Variants in USP53 observed in about 807,000 individuals in gnomAD.
USP53 encodes ubiquitin specific peptidase 53.
Under a neutral mutation model 94.9 loss-of-function variants are expected in USP53, and 71 were observed. That is an observed-to-expected ratio of 0.75 (90% confidence interval 0.62 to 0.91). The LOEUF (loss-of-function observed/expected upper bound fraction) is 0.91, where lower values mean the gene tolerates loss of function less well. Among genes scored for constraint, USP53 ranks in the 40% least tolerant of loss-of-function variants. The pLI is 0.00. For missense variants in USP53, 1,173 were observed against 1,281.0 expected (o/e 0.92, Z 1.29); for synonymous variants, 375 against 422.7 (o/e 0.89, Z 1.39).
intron 3 of USP53, among the ~76,000 whole-genome samples, chr4:119,222,546 A>C (rs573337612): frequency 6.6e-6 from 1 of 152,300 alleles, no homozygotes; most frequent in African/African-American, 2.4e-5. Flanking sequence ...GAGTGAGTAC[A>C]TGGGATATTT....
rs753665390 is a variant in USP53, at chr4:119,292,520, A to C, written c.2531A>C (p.His844Pro). The change falls in exon 19 of 19, where the codon CAC becomes CCC. Residue 844 changes from histidine (H) to proline (P), a missense_variant. Coordinates refer to ENST00000692078, the MANE Select transcript of USP53 (RefSeq NM_001371395.1). ...ENSERTGLPFHVDNSASGKRV... is the reference protein window; with the variant it reads ...ENSERTGLPFPVDNSASGKRV... ...TCTGAGAGAACAGGTTTGCCTTTTC[A>C]CGTTGATAACTCTGCTTCTGGGAAG... 3.1e-6 allele frequency: 5 copies of C among 1,614,012 alleles called. No homozygotes were observed. The highest frequency in any genetic ancestry group is 4.2e-6 in the Non-Finnish European group (5 of 1,179,924).
intron 3 of USP53, among the ~76,000 whole-genome samples, chr4:119,229,145 A>G (rs1471567909): frequency 6.6e-6 from 1 of 152,216 alleles, no homozygotes; most frequent in African/African-American, 2.4e-5. Flanking sequence ...TGCGTGCAAC[A>G]TAGACTGTAG....
chr4:119,257,812 A>AT (rs1260221119), intron 9 of USP53, among the ~76,000 whole-genome samples: 1 of 152,204 alleles, frequency 6.6e-6, no homozygotes, highest in Non-Finnish European at 1.5e-5. Flanking sequence ...GTCGTCAGTC[A>AT]TTTTTTTAAA....
chr4:119,282,837 A>T (rs1361139226), intron 17 of USP53, among the ~76,000 whole-genome samples: 1 of 152,020 alleles, frequency 6.6e-6, no homozygotes, highest in African/African-American at 2.4e-5. Context: ...TATTTATAAA[A>T]TGAGGGCACA....
chr4:119,252,079 A>T (rs1258726447), intron 7 of USP53, among the ~76,000 whole-genome samples: 1 of 152,218 alleles, frequency 6.6e-6, no homozygotes, highest in Non-Finnish European at 1.5e-5. Flanking sequence ...CAGAGGGATG[A>T]AGCCCACTTG....
chr4:119,222,372 G>A (rs190640754), intron 3 of USP53, among the ~76,000 whole-genome samples: 3 of 152,234 alleles, frequency 2.0e-5, no homozygotes, highest in African/African-American at 7.2e-5. Flanking sequence ...TAGTCACTGT[G>A]TTGTGCTACT....
At position 119,293,234 on chromosome 4, in the gene USP53, G is replaced by A. The variant is rs1399083651; in HGVS notation, c.*23G>A. 2 of 1,545,934 alleles carry A rather than the reference G, an allele frequency of 1.3e-6. No homozygotes were observed. Among genetic ancestry groups the A allele is most frequent in the Admixed American group, 2.0e-5 (1 of 49,516 alleles). ...TAGAGTGAAAAAGGACTAGACCTGT[G>A]TTACATAATAATCTTGGTTCAAGCT... On this transcript the variant is annotated 3_prime_UTR_variant, in exon 19 of 19. Transcript: ENST00000692078.
At chr4:119,259,987 CAGATATTATCAT>C in intron 10 of USP53, 62 bp downstream of exon 10, 1 of 1,199,416 alleles carries the variant, frequency 8.3e-7, no homozygotes, top group East Asian at 2.5e-5. Flanking sequence ...AATAGGCATT[CAGATATTATCAT>C]GTAAATATTG....
At chr4:119,240,151 G>A (rs891753755) in intron 5 of USP53, among the ~76,000 whole-genome samples, 1 of 151,892 alleles carries the variant, frequency 6.6e-6, no homozygotes, top group African/African-American at 2.4e-5. Context: ...GGTTTATTTA[G>A]TAAATTAAGG....
intron 3 of USP53, among the ~76,000 whole-genome samples, chr4:119,223,276 G>T (rs1744794207): frequency 6.6e-6 from 1 of 152,096 alleles, no homozygotes; most frequent in African/African-American, 2.4e-5. Flanking sequence ...GATGGGTGAG[G>T]GGTATATGTC....
At chr4:119,265,670 A>AAACAACAGC (rs1751036961) in intron 12 of USP53, among the ~76,000 whole-genome samples, 2 of 150,412 alleles carry the variant, frequency 1.3e-5, no homozygotes, top group African/African-American at 2.5e-5. Flanking sequence ...CCTTTTCTCA[A>AAACAACAGC]AACAACAACA....
intron 5 of USP53, among the ~76,000 whole-genome samples, chr4:119,240,622 A>G (rs1747396160): frequency 1.3e-5 from 2 of 152,204 alleles, no homozygotes; most frequent in Non-Finnish European, 2.9e-5. Context: ...AAGAATTCAT[A>G]TATAATGATT....
chr4:119,254,307 C>A (rs1410963236), intron 7 of USP53, among the ~76,000 whole-genome samples: 1 of 152,178 alleles, frequency 6.6e-6, no homozygotes, highest in Non-Finnish European at 1.5e-5. Context: ...TAATATCCTG[C>A]AGAGTGTTTT....
At position 119,295,126 on chromosome 4, in the gene USP53, C is replaced by CA. The variant is rs1416816426; in HGVS notation, c.*1916dup. Reference sequence around the variant, plus strand: ...TAATTTTTGTATTTAACAGCAGTCTCAGACATTTGTCTTTTCAACTCAGTT... The same window carrying CA: ...TAATTTTTGTATTTAACAGCAGTCTCAAGACATTTGTCTTTTCAACTCAGTT... On this transcript the variant is annotated 3_prime_UTR_variant, in exon 19 of 19. Coordinates refer to ENST00000692078, the MANE Select transcript of USP53 (RefSeq NM_001371395.1). 5 of 152,030 alleles carry CA rather than the reference C, an allele frequency of 3.3e-5. No homozygotes were observed. The highest frequency in any genetic ancestry group is 2.9e-5 in the Non-Finnish European group (2 of 67,990). The allele number at this position is 152,030 out of a possible 1,614,324, so 9.4% of individuals were successfully genotyped here.
chr4:119,242,279 A>T (rs1747649205), intron 5 of USP53, among the ~76,000 whole-genome samples: 1 of 152,204 alleles, frequency 6.6e-6, no homozygotes, highest in African/African-American at 2.4e-5. Context: ...CCCTAAAAAT[A>T]ATCTAGAAGT....
intron 17 of USP53, among the ~76,000 whole-genome samples, chr4:119,284,781 T>TA (rs1338784571): frequency 2.6e-5 from 4 of 151,808 alleles, no homozygotes; most frequent in East Asian, 1.9e-4. Flanking sequence ...TTTACCACAA[T>TA]AAAAAACCCT....
intron 3 of USP53, among the ~76,000 whole-genome samples, chr4:119,232,883 C>T (rs1202507926): frequency 6.6e-6 from 1 of 152,042 alleles, no homozygotes; most frequent in Non-Finnish European, 1.5e-5. Context: ...TGATCTAACA[C>T]TAGAATTAAC....
At chr4:119,257,858 C>T (rs1159440533) in intron 9 of USP53, among the ~76,000 whole-genome samples, 2 of 152,062 alleles carry the variant, frequency 1.3e-5, no homozygotes, top group Non-Finnish European at 2.9e-5. Context: ...CAAAGATAGA[C>T]AATAAGTTAA....
chr4:119,232,084 T>C (rs551959182), intron 3 of USP53, among the ~76,000 whole-genome samples: 2 of 152,366 alleles, frequency 1.3e-5, no homozygotes, highest in East Asian at 3.9e-4. Context: ...TCAGGAATGC[T>C]ATGTAAAGTC....
Sources: allele counts gnomAD v4.1 joint callset (sites outside exome capture counted in the v4.1 genomes callset), GRCh38; gene constraint gnomAD v4.1.1; transcripts MANE v1.5; gene names NCBI Gene and HGNC (gene_info 2026-07-23, HGNC 2026-07-21).